The following FAM117B variants were observed in gnomAD, a reference collection of about 807,000 sequenced individuals.
FAM117B encodes the protein family with sequence similarity 117 member B, also known as protein FAM117B.
FAM117B carries 22 observed loss-of-function variants against 52.8 expected under a neutral mutation model. That is an observed-to-expected ratio of 0.42 (90% CI 0.30 to 0.59). The LOEUF (loss-of-function observed/expected upper bound fraction) is 0.59. FAM117B is among the 20% of genes least tolerant of loss of function. FAM117B has a pLI of 0.22. For missense variants in FAM117B, 678 were observed against 802.6 expected (o/e 0.84, Z 1.88); for synonymous variants, 309 against 324.1 (o/e 0.95, Z 0.50).
chr2:202,677,886 A>T (rs535034115), intron 1 of FAM117B, among the ~76,000 whole-genome samples: 5 of 152,194 alleles, frequency 3.3e-5, no homozygotes, highest in Admixed American at 6.5e-5. Flanking sequence ...CTCAATGCCT[A>T]ATAAATATGA....
At chr2:202,757,191 T>C (rs1574306327) in intron 5 of FAM117B, 22 bp from the exon 6 acceptor site, 1 of 1,609,512 alleles carries the variant, frequency 6.2e-7, no homozygotes, top group Middle Eastern at 1.7e-4. Flanking sequence ...AATATACCTA[T>C]GTTTTTACAA....
chr2:202,726,742 A>G (rs1691251302), intron 4 of FAM117B, among the ~76,000 whole-genome samples: 1 of 152,100 alleles, frequency 6.6e-6, no homozygotes, highest in Non-Finnish European at 1.5e-5. Context: ...GGGAATAATA[A>G]TACCTGTCTC....
chr2:202,767,596 T>A lies in FAM117B; in HGVS notation c.*1832T>A, dbSNP rs1315814585. 1 of 152,228 alleles carries A rather than the reference T, an allele frequency of 6.6e-6. No individual in the cohort carries two copies. The highest frequency in any genetic ancestry group is 1.5e-5 in the Non-Finnish European group (1 of 68,044). 9.4% of individuals were successfully genotyped at this position (152,228 alleles called of 1,614,324 possible). On this transcript the variant is annotated 3_prime_UTR_variant, in exon 8 of 8. Coordinates refer to ENST00000392238, the MANE Select transcript of FAM117B (RefSeq NM_173511.4). Reference sequence around the variant, plus strand: ...ATATTATAAGGTAGAAAAAAGTTTTTAAATCCTTATAAAGAGGATGCAGTT... The same window carrying A: ...ATATTATAAGGTAGAAAAAAGTTTTAAAATCCTTATAAAGAGGATGCAGTT...
At chr2:202,680,791 CA>C (rs1475216451) in intron 1 of FAM117B, among the ~76,000 whole-genome samples, 2 of 152,028 alleles carry the variant, frequency 1.3e-5, no homozygotes, top group Admixed American at 1.3e-4. Context: ...TTTATACATA[CA>C]AAACCTGAGA....
At chr2:202,737,692 C>G (rs900345788) in intron 4 of FAM117B, among the ~76,000 whole-genome samples, 2 of 152,000 alleles carry the variant, frequency 1.3e-5, no homozygotes, top group Non-Finnish European at 2.9e-5. Flanking sequence ...GCCTCTGCCT[C>G]TTGGGTTCAA....
intron 1 of FAM117B, among the ~76,000 whole-genome samples, chr2:202,672,068 G>T (rs948643486): frequency 8.5e-5 from 13 of 152,182 alleles, no homozygotes; most frequent in Non-Finnish European, 1.6e-4. Flanking sequence ...AACTGGAAGG[G>T]AACCTGGGAA....
intron 1 of FAM117B, among the ~76,000 whole-genome samples, chr2:202,668,503 G>A (rs1291397964): frequency 7.4e-5 from 10 of 135,942 alleles, no homozygotes; most frequent in African/African-American, 2.7e-4. Flanking sequence ...ACTCCAGACT[G>A]TGTGACAGAG....
rs1044611509 is a variant in FAM117B, at chr2:202,635,789, G to GT, written c.601+2dup. 9 of 1,449,366 alleles carry GT rather than the reference G, an allele frequency of 6.2e-6. No homozygotes were observed. Among genetic ancestry groups the GT allele is most frequent in the African/African-American group, 1.5e-5 (1 of 67,864 alleles). The allele number at this position is 1,449,366 out of a possible 1,614,324, so 89.8% of individuals were successfully genotyped here. A position where few individuals can be genotyped will look rare whatever the true frequency, so the allele number is the denominator to read the frequency against. On this transcript the variant is annotated splice_donor_variant, in intron 1 of 7. Transcript: ENST00000392238. LOFTEE classifies it high-confidence loss of function. ...CCCAGCGCCCCGGTTTGCAAAGCAG[G>GT]TAAGTGCTGGGGGTCGCGCAGCAAG...
intron 1 of FAM117B, among the ~76,000 whole-genome samples, chr2:202,673,553 T>C (rs1690334757): frequency 6.9e-6 from 1 of 144,256 alleles, no homozygotes; most frequent in Non-Finnish European, 1.5e-5. Context: ...GTTCAAGCGA[T>C]TCTCCTGCCT....
At chr2:202,657,182 G>A (rs549281115) in intron 1 of FAM117B, among the ~76,000 whole-genome samples, 1 of 152,100 alleles carries the variant, frequency 6.6e-6, no homozygotes, top group Non-Finnish European at 1.5e-5. Flanking sequence ...CCTCCTCTTG[G>A]GTTCAAGCAA....
chr2:202,752,882 T>G (rs896879747), intron 4 of FAM117B, among the ~76,000 whole-genome samples: 8 of 152,232 alleles, frequency 5.3e-5, no homozygotes, highest in Non-Finnish European at 1.2e-4. Flanking sequence ...AATCTCTACA[T>G]AGATTTTGGA....
chr2:202,748,511 T>C (rs1691670016), intron 4 of FAM117B, among the ~76,000 whole-genome samples: 1 of 151,986 alleles, frequency 6.6e-6, no homozygotes. Context: ...GAGGAAAATA[T>C]TTGCAAACTA....
intron 7 of FAM117B, among the ~76,000 whole-genome samples, chr2:202,759,686 T>C (rs1691855538): frequency 6.6e-6 from 1 of 150,640 alleles, no homozygotes; most frequent in South Asian, 2.1e-4. Context: ...GCCTCCTGAG[T>C]AGCAGGGACT....
intron 4 of FAM117B, among the ~76,000 whole-genome samples, chr2:202,740,122 A>G (rs1229823175): frequency 4.5e-5 from 6 of 133,228 alleles, no homozygotes; most frequent in Non-Finnish European, 9.4e-5. Context: ...GCAGTGAGCC[A>G]AGATTGCATC....
chr2:202,718,719 G>A (rs759712014), intron 2 of FAM117B, among the ~76,000 whole-genome samples: 27 of 152,122 alleles, frequency 1.8e-4, no homozygotes, highest in Non-Finnish European at 2.6e-4. Context: ...AATGAACCTG[G>A]CCCTATGTGC....
intron 1 of FAM117B, among the ~76,000 whole-genome samples, chr2:202,645,699 G>C (rs1472726486): frequency 6.6e-6 from 1 of 151,684 alleles, no homozygotes; most frequent in African/African-American, 2.4e-5. Flanking sequence ...CGCCTCCCGG[G>C]TTCAAGCAAG....
chr2:202,680,819 A>G (rs1690451750), intron 1 of FAM117B, among the ~76,000 whole-genome samples: 1 of 152,212 alleles, frequency 6.6e-6, no homozygotes, highest in South Asian at 2.1e-4. Context: ...TACACTATAA[A>G]AAATGCTAAA....
intron 1 of FAM117B, among the ~76,000 whole-genome samples, chr2:202,689,300 G>A (rs577371882): frequency 1.3e-5 from 2 of 152,168 alleles, no homozygotes; most frequent in East Asian, 3.9e-4. Context: ...AAATTAGCCA[G>A]GCGTAGTGGC....
In FAM117B at chr2:202,768,679, T is replaced by C. The variant is rs927303713; in HGVS notation, c.*2915T>C. 6.6e-6 allele frequency: 1 copy of C among 152,566 alleles called. No individual in the cohort carries two copies. The highest frequency in any genetic ancestry group is 1.5e-5 in the Non-Finnish European group (1 of 68,000). The allele number at this position is 152,566 out of a possible 1,614,324, so 9.5% of individuals were successfully genotyped here. A position where few individuals can be genotyped will look rare whatever the true frequency, so the allele number is the denominator to read the frequency against. On this transcript the variant is annotated 3_prime_UTR_variant, in exon 8 of 8. Coordinates refer to ENST00000392238, the MANE Select transcript of FAM117B (RefSeq NM_173511.4). ...AATGTGACACTCTCAATAGAATGCA[T>C]AATGTTGGTTTCTAAAGTTACACTC...
Sources: gnomAD v4.1 joint callset for allele counts (sites outside exome capture counted in the v4.1 genomes callset) on GRCh38, gnomAD v4.1.1 for gene constraint, MANE v1.5 for transcripts, NCBI Gene and HGNC (gene_info 2026-07-23, HGNC 2026-07-21) for gene names.